The following ASB18 variants were observed in gnomAD, a reference collection of about 807,000 sequenced individuals.
ASB18 encodes ankyrin repeat and SOCS box protein 18.
In ASB18, 33 loss-of-function variants were observed where a neutral mutation model predicts 33.4. The ratio of observed to expected loss-of-function variants is 0.99; its 90% CI spans 0.75 to 1.32. The LOEUF (loss-of-function observed/expected upper bound fraction) is 1.32, where lower values mean the gene tolerates loss of function less well. ASB18 is among the 40% of genes most tolerant of loss of function. ASB18 has a pLI of 0.00. For synonymous variants in ASB18, 295 were observed against 307.6 expected, an observed-to-expected ratio of 0.96 and a Z score of 0.43; for missense variants, 694 against 655.5, an observed-to-expected ratio of 1.06 and a Z score of -0.64.
At position 236,203,817 on chromosome 2, in the gene ASB18, T is replaced by C. The variant is rs144097692; in HGVS notation, c.1102-7432A>G. On this transcript the variant is annotated intron_variant, in intron 4 of 5. Coordinates refer to ENST00000409749, the MANE Select transcript of ASB18 (RefSeq NM_212556.4). The surrounding 1 kb of genome is among the most constrained non-coding windows in gnomAD (Gnocchi z 6.0). Reference sequence around the variant, plus strand: ...GGAAGGTCGACGCTGCAGTGAGCTATGATTGCACTGCTGCACTCCAGCCTA... The same window carrying C: ...GGAAGGTCGACGCTGCAGTGAGCTACGATTGCACTGCTGCACTCCAGCCTA... 1.6e-3 allele frequency among the ~76,000 whole-genome samples: 238 copies of C among 152,216 alleles called. No homozygotes were observed. Among genetic ancestry groups the C allele is most frequent in the Admixed American group, 5.2e-3 (80 of 15,296 alleles).
chr2:236,227,203 T>A (rs756506090), intron 3 of ASB18, among the ~76,000 whole-genome samples: 1 of 152,174 alleles, frequency 6.6e-6, no homozygotes, highest in African/African-American at 2.4e-5. Context: ...ATATTTTCCA[T>A]AGGAACATGT....
chr2:236,203,631 C>T lies in ASB18; in HGVS notation c.1102-7246G>A, dbSNP rs1181455428. On this transcript the variant is annotated intron_variant, in intron 4 of 5. Transcript: ENST00000409749. This position sits in a 1 kb window ranked among gnomAD's most constrained non-coding sequence, Gnocchi z 6.0. ...CTGTAATCCCAGCACTTTGGGAAGC[C>T]AAGGCAGGCAGATGACTTGAGTCTA... Among the ~76,000 whole-genome samples, 1 of 151,928 alleles carries T rather than the reference C, an allele frequency of 6.6e-6. No individual in the cohort carries two copies. Among genetic ancestry groups the T allele is most frequent in the Non-Finnish European group, 1.5e-5 (1 of 67,988 alleles).
At chr2:236,198,907 T>C (rs1170389061) in intron 4 of ASB18, among the ~76,000 whole-genome samples, 1 of 152,212 alleles carries the variant, frequency 6.6e-6, no homozygotes, top group African/African-American at 2.4e-5. Flanking sequence ...TTCAGTTCAA[T>C]GCTAAATAAC....
Position 236,196,132 on chromosome 2 carries a change from C to A in ASB18, c.1215+140G>T. On this transcript the variant is annotated intron_variant, in intron 5 of 5. Coordinates refer to ENST00000409749, the MANE Select transcript of ASB18 (RefSeq NM_212556.4). This position sits in a 1 kb window ranked among gnomAD's most constrained non-coding sequence, Gnocchi z 5.6. Reference sequence around the variant, plus strand: ...GCCTCCAGAAAAAACCAGAAACGTGCAAATACACCCTCATTTCCCATTCTT... The same window carrying A: ...GCCTCCAGAAAAAACCAGAAACGTGAAAATACACCCTCATTTCCCATTCTT... 1.4e-6 allele frequency: 1 copy of A among 697,170 alleles called. No individual in the cohort carries two copies. The highest frequency in any genetic ancestry group is 2.7e-6 in the Non-Finnish European group (1 of 374,478). 43.2% of individuals were successfully genotyped at this position (697,170 alleles called of 1,614,324 possible). A position where few individuals can be genotyped will look rare whatever the true frequency, so the allele number is the denominator to read the frequency against.
In ASB18 at chr2:236,252,243, C is replaced by T. The variant is rs1283675641; in HGVS notation, c.206-10841G>A. On this transcript the variant is annotated intron_variant, in intron 1 of 5. Transcript: ENST00000409749. The surrounding 1 kb of genome is among the most constrained non-coding windows in gnomAD (Gnocchi z 7.9). ...CCAAGATTGCGCCACTGTACTCCAG[C>T]CTTGGCAACAGAGTGAGACTCCGTC... 6.7e-6 allele frequency among the ~76,000 whole-genome samples: 1 copy of T among 148,794 alleles called. No individual in the cohort carries two copies. The highest frequency in any genetic ancestry group is 2.0e-4 in the East Asian group (1 of 4,960).
chr2:236,249,289 G>A lies in ASB18; in HGVS notation c.206-7887C>T, dbSNP rs1346336203. ...CCTTCTGCTCTCCTCCCACAATGGC[G>A]GCCACAATTGGCTTCTTTGATTTTT... On this transcript the variant is annotated intron_variant, in intron 1 of 5. Coordinates refer to ENST00000409749, the MANE Select transcript of ASB18 (RefSeq NM_212556.4). This position sits in a 1 kb window ranked among gnomAD's most constrained non-coding sequence, Gnocchi z 4.6. 3.9e-5 allele frequency: 6 copies of A among 152,064 alleles called. No homozygotes were observed. Among genetic ancestry groups the A allele is most frequent in the Admixed American group, 2.6e-4 (4 of 15,250 alleles). 9.4% of individuals were successfully genotyped at this position (152,064 alleles called of 1,614,324 possible). A position where few individuals can be genotyped will look rare whatever the true frequency, so the allele number is the denominator to read the frequency against.
At position 236,219,631 on chromosome 2, in the gene ASB18, G is replaced by A. The variant is rs189009527; in HGVS notation, c.597-4765C>T. Reference sequence around the variant, plus strand: ...TATCAACGTCACCAGTGGAAGAAATGGCCCAGTGGGGAAAGCTTACTGTTT... The same window carrying A: ...TATCAACGTCACCAGTGGAAGAAATAGCCCAGTGGGGAAAGCTTACTGTTT... On this transcript the variant is annotated intron_variant, in intron 3 of 5. Coordinates refer to ENST00000409749, the MANE Select transcript of ASB18 (RefSeq NM_212556.4). The surrounding 1 kb of genome is among the most constrained non-coding windows in gnomAD (Gnocchi z 6.4). Among the ~76,000 whole-genome samples, 59 of 152,262 alleles carry A rather than the reference G, an allele frequency of 3.9e-4. No individual in the cohort carries two copies. Among genetic ancestry groups the A allele is most frequent in the Non-Finnish European group, 5.7e-4 (39 of 68,008 alleles).
rs940799251 is a variant in ASB18 at position 236,208,341 on chromosome 2, G to A, written c.1101+6021C>T. ...ACATGCCATTTCCTCGTGCACGGCA[G>A]TCTCTGATTTCAATCATCCCCTTCT... On this transcript the variant is annotated intron_variant, in intron 4 of 5. Transcript: ENST00000409749. The surrounding 1 kb of genome is among the most constrained non-coding windows in gnomAD (Gnocchi z 7.7). Among the ~76,000 whole-genome samples, 3 of 152,172 alleles carry A rather than the reference G, an allele frequency of 2.0e-5. No homozygotes were observed. Among genetic ancestry groups the A allele is most frequent in the African/African-American group, 4.8e-5 (2 of 41,440 alleles).
rs1468499641 is a variant in ASB18 at position 236,200,618 on chromosome 2, T to C, written c.1102-4233A>G. On this transcript the variant is annotated intron_variant, in intron 4 of 5. Transcript: ENST00000409749. The surrounding 1 kb of genome is among the most constrained non-coding windows in gnomAD (Gnocchi z 4.2). ...ATGTTCTGCCCTCACTCTCCTTTCC[T>C]CCCTCCTGCTGCCGGGACACCCCAC... 1.3e-5 allele frequency among the ~76,000 whole-genome samples: 2 copies of C among 151,888 alleles called. No homozygotes were observed. The highest frequency in any genetic ancestry group is 2.9e-5 in the Non-Finnish European group (2 of 67,982).
chr2:236,198,512 C>T (rs1267913647), intron 4 of ASB18, among the ~76,000 whole-genome samples: 3 of 152,090 alleles, frequency 2.0e-5, no homozygotes, highest in African/African-American at 7.2e-5. Flanking sequence ...GGACTACAGG[C>T]AGGTGCCACC....
chr2:236,196,516 C>G lies in ASB18; in HGVS notation c.1102-131G>C. ...CCCTACGCCCAAGCCACACAGGGAA[C>G]AGCAACAGAGCAGTACCACAGGGTT... On this transcript the variant is annotated intron_variant, in intron 4 of 5. Transcript: ENST00000409749. This position sits in a 1 kb window ranked among gnomAD's most constrained non-coding sequence, Gnocchi z 5.6. 1 of 639,104 alleles carries G rather than the reference C, an allele frequency of 1.6e-6. No homozygotes were observed. Among genetic ancestry groups the G allele is most frequent in the Non-Finnish European group, 2.9e-6 (1 of 348,528 alleles). The allele number at this position is 639,104 out of a possible 1,614,324, so 39.6% of individuals were successfully genotyped here.
rs965752691 is a variant in ASB18 at position 236,225,625 on chromosome 2, C to G, written c.597-10759G>C. Among the ~76,000 whole-genome samples, 1 of 152,050 alleles carries G rather than the reference C, an allele frequency of 6.6e-6. No individual in the cohort carries two copies. The highest frequency in any genetic ancestry group is 2.4e-5 in the African/African-American group (1 of 41,398). The stretch of plus-strand genomic sequence containing the variant: ...AGGGTCAAGGAGAGGAATCTGATAA[C>G]AAATAGGGCGAGGCTGGCATGCAGG... On this transcript the variant is annotated intron_variant, in intron 3 of 5. Coordinates refer to ENST00000409749, the MANE Select transcript of ASB18 (RefSeq NM_212556.4). The surrounding 1 kb of genome is among the most constrained non-coding windows in gnomAD (Gnocchi z 5.1).
At position 236,195,862 on chromosome 2, in the gene ASB18, G is replaced by A. The variant is rs1259716983; in HGVS notation, c.1215+410C>T. Among the ~76,000 whole-genome samples, 2 of 152,128 alleles carry A rather than the reference G, an allele frequency of 1.3e-5. No homozygotes were observed. Among genetic ancestry groups the A allele is most frequent in the South Asian group, 4.1e-4 (2 of 4,828 alleles). On this transcript the variant is annotated intron_variant, in intron 5 of 5. Transcript: ENST00000409749. The surrounding 1 kb of genome is among the most constrained non-coding windows in gnomAD (Gnocchi z 5.5). Reference sequence around the variant, plus strand: ...GACAGTCACCTGTGGACTTTGTCGTGGATAGATGTAATCCCCATAGCTTCC... The same window carrying A: ...GACAGTCACCTGTGGACTTTGTCGTAGATAGATGTAATCCCCATAGCTTCC...
chr2:236,230,995 G>A (rs1205280474), intron 3 of ASB18, among the ~76,000 whole-genome samples: 1 of 152,040 alleles, frequency 6.6e-6, no homozygotes, highest in African/African-American at 2.4e-5. Flanking sequence ...AAAGACTCAG[G>A]TAAGTTAAAA....
In ASB18 at chr2:236,252,267, T is replaced by A. The variant is rs1363268041; in HGVS notation, c.206-10865A>T. Among the ~76,000 whole-genome samples the A allele has an allele frequency of 1.4e-5, 2 of 138,580 alleles. No homozygotes were observed. The highest frequency in any genetic ancestry group is 4.5e-4 in the East Asian group (2 of 4,396). 90.9% of individuals were successfully genotyped at this position (138,580 alleles called of 152,430 possible). A position where few individuals can be genotyped will look rare whatever the true frequency, so the allele number is the denominator to read the frequency against. The stretch of plus-strand genomic sequence containing the variant: ...GCCTTGGCAACAGAGTGAGACTCCG[T>A]CACACACACACACACACACACACAC... On this transcript the variant is annotated intron_variant, in intron 1 of 5. Transcript: ENST00000409749. This position sits in a 1 kb window ranked among gnomAD's most constrained non-coding sequence, Gnocchi z 7.9.
Position 236,231,988 on chromosome 2 carries a change from C to T in ASB18, c.596+5701G>A, listed in dbSNP as rs2060568153. On this transcript the variant is annotated intron_variant, in intron 3 of 5. Transcript: ENST00000409749. This position sits in a 1 kb window ranked among gnomAD's most constrained non-coding sequence, Gnocchi z 5.5. ...TCAGCAAGGATATAGAAATATTAAA[C>T]AACATGGTTAGGCAATTTGATTTAA... is the stretch of plus-strand genomic sequence containing the variant. Among the ~76,000 whole-genome samples the T allele has an allele frequency of 6.6e-6, 1 of 152,126 alleles. No homozygotes were observed. The highest frequency in any genetic ancestry group is 2.1e-4 in the South Asian group (1 of 4,832).
intron 1 of ASB18, among the ~76,000 whole-genome samples, chr2:236,246,387 C>T (rs972981507): frequency 1.5e-5 from 2 of 131,286 alleles, no homozygotes; most frequent in Non-Finnish European, 3.2e-5. Flanking sequence ...AAGACCTTGG[C>T]TACTGTATGC....
In ASB18 at chr2:236,214,585, T is replaced by C; in HGVS notation, c.878A>G (p.Glu293Gly). 7.8e-7 allele frequency: 1 copy of C among 1,278,796 alleles called. No individual in the cohort carries two copies. Among genetic ancestry groups the C allele is most frequent in the Non-Finnish European group, 9.8e-7 (1 of 1,017,650 alleles). 79.2% of individuals were successfully genotyped at this position (1,278,796 alleles called of 1,614,324 possible). Residue 293 changes from glutamate to glycine, a missense_variant, in exon 4 of 6, where the codon GAG (glutamate) becomes GGG (glycine). Transcript: ENST00000409749. The surrounding 1 kb of genome is among the most constrained non-coding windows in gnomAD (Gnocchi z 6.5). ...GAEADARDED[E>G]RSPLHKACGH... ...GCAGGCTTTGTGCAGCGGGCTGCGC[T>C]CGTCCTCGTCGCGCGCGTCCGCCTC...
intron 4 of ASB18, among the ~76,000 whole-genome samples, chr2:236,197,355 C>T (rs1440398676): frequency 6.6e-6 from 1 of 152,118 alleles, no homozygotes; most frequent in East Asian, 1.9e-4. Context: ...TATAATGAGA[C>T]TGGTTGCTGT....
Sources: allele counts gnomAD v4.1 joint callset (sites outside exome capture counted in the v4.1 genomes callset), GRCh38; gene constraint gnomAD v4.1.1; non-coding constraint Gnocchi (gnomAD v3.1); transcripts MANE v1.5; gene names NCBI Gene and HGNC (gene_info 2026-07-23, HGNC 2026-07-21).